The following DIS3L2 variants were observed in gnomAD, a reference collection of about 807,000 sequenced individuals.
DIS3L2 encodes DIS3-like exonuclease 2.
In DIS3L2, 34 loss-of-function variants were observed where a neutral mutation model predicts 97.5. The ratio of observed to expected loss-of-function variants is 0.35; its 90% CI spans 0.27 to 0.46. The LOEUF is 0.46. Ranked by LOEUF, DIS3L2 falls within the 20% of genes least tolerant of loss-of-function variation. The probability of loss-of-function intolerance (pLI) is 1.00; values close to 1 mark genes in which losing one functional copy is unlikely to be tolerated. For missense variants in DIS3L2, 1,038 were observed against 1,146.0 expected, an observed-to-expected ratio of 0.91 and a Z score of 1.36; for synonymous variants, 435 against 445.2, an observed-to-expected ratio of 0.98 and a Z score of 0.29.
chr2:232,279,901 A>G (rs926194731), intron 13 of DIS3L2, among the ~76,000 whole-genome samples: 1 of 152,152 alleles, frequency 6.6e-6, no homozygotes, highest in East Asian at 1.9e-4. Flanking sequence ...ACTTTCTCCT[A>G]GTCTTTGGCT....
chr2:232,073,273 A>C (rs1338704399), intron 5 of DIS3L2, among the ~76,000 whole-genome samples: 1 of 152,192 alleles, frequency 6.6e-6, no homozygotes, highest in African/African-American at 2.4e-5. Flanking sequence ...CCAAGAAATG[A>C]AAAGCAGCTC....
intron 13 of DIS3L2, among the ~76,000 whole-genome samples, chr2:232,278,279 G>C (rs1480897750): frequency 6.6e-6 from 1 of 151,946 alleles, no homozygotes; most frequent in East Asian, 1.9e-4. Context: ...TTAAGCACTA[G>C]ACCTACCAGC....
chr2:232,250,387 G>A lies in DIS3L2; in HGVS notation c.1425+1041G>A, dbSNP rs140366761. Among the ~76,000 whole-genome samples the A allele has an allele frequency of 8.4e-3, 1,282 of 152,068 alleles. 23 individuals carry two copies. Among genetic ancestry groups the A allele is most frequent in the Admixed American group, 0.048 (738 of 15,282 alleles). On this transcript the variant is annotated intron_variant, in intron 12 of 20. Coordinates refer to ENST00000325385, the MANE Select transcript of DIS3L2 (RefSeq NM_152383.5). ...CACAAGGACAAAGAGAGTGGGAGAG[G>A]AGACAACAGCAACAAAATTTTGGAA...
rs775127621 is a variant in DIS3L2, at chr2:232,300,024, TTC to T, written c.1660-6_1660-5del. 8 of 1,611,180 alleles carry T rather than the reference TTC, an allele frequency of 5.0e-6. No individual in the cohort carries two copies. Among genetic ancestry groups the T allele is most frequent in the South Asian group, 1.1e-5 (1 of 90,990 alleles). The stretch of plus-strand genomic sequence containing the variant: ...ATGCTGCCTAAAACTTCTTTTTCTC[TTC>T]TCTCTCTCTTCAGCTAAAGCTTGCT... On this transcript the variant is annotated splice_polypyrimidine_tract_variant and intron_variant, in intron 13 of 20. Transcript: ENST00000325385.
intron 10 of DIS3L2, among the ~76,000 whole-genome samples, chr2:232,229,662 G>A (rs1004435606): frequency 1.3e-5 from 2 of 152,198 alleles, no homozygotes; most frequent in Non-Finnish European, 2.9e-5. Context: ...CATACATGCT[G>A]TTCATATAAA....
At chr2:232,261,650 A>G (rs986683032) in intron 12 of DIS3L2, among the ~76,000 whole-genome samples, 9 of 152,184 alleles carry the variant, frequency 5.9e-5, no homozygotes, top group African/African-American at 1.2e-4. Context: ...AAACCTTTGC[A>G]GTGTGACTCT....
chr2:232,157,218 A>G lies in DIS3L2; in HGVS notation c.951-6241A>G, dbSNP rs113366427. Among the ~76,000 whole-genome samples the G allele has an allele frequency of 1.7e-4, 26 of 152,276 alleles. 2 individuals are homozygous for G. Among genetic ancestry groups the G allele is most frequent in the African/African-American group, 5.8e-4 (24 of 41,548 alleles). The stretch of plus-strand genomic sequence containing the variant: ...TCCCCAGAGGTACTAAAACCTTTCA[A>G]CTGTAGAGATGAGCATTATGTAGGC... On this transcript the variant is annotated intron_variant, in intron 8 of 20. Coordinates refer to ENST00000325385, the MANE Select transcript of DIS3L2 (RefSeq NM_152383.5).
At position 232,163,455 on chromosome 2, in the gene DIS3L2, A is replaced by G. The variant is rs977493137; in HGVS notation, c.951-4A>G. 2 of 1,613,486 alleles carry G rather than the reference A, an allele frequency of 1.2e-6. No individual in the cohort carries two copies. The highest frequency in any genetic ancestry group is 1.7e-6 in the Non-Finnish European group (2 of 1,179,686). Reference sequence around the variant, plus strand: ...CAGTTATTCCGTTTCTGTTCTATCCATAGGCAGCTGGCTAAGAGTCTTGGG... The same window carrying G: ...CAGTTATTCCGTTTCTGTTCTATCCGTAGGCAGCTGGCTAAGAGTCTTGGG... On this transcript the variant is annotated splice_region_variant and splice_polypyrimidine_tract_variant and intron_variant, in intron 8 of 20. Coordinates refer to ENST00000325385, the MANE Select transcript of DIS3L2 (RefSeq NM_152383.5).
intron 13 of DIS3L2, chr2:232,343,285 C>A: frequency 7.0e-7 from 1 of 1,429,008 alleles, no homozygotes; most frequent in Non-Finnish European, 9.5e-7. Flanking sequence ...ACTGGAATTG[C>A]AAAGGCCTAG....
chr2:232,053,331 AAGG>A (rs557822724), intron 5 of DIS3L2, among the ~76,000 whole-genome samples: 124 of 152,364 alleles, frequency 8.1e-4, no homozygotes, highest in African/African-American at 3.0e-3. Context: ...AAATAAAAGC[AAGG>A]AGAATACTTA....
rs115802654 is a variant in DIS3L2 at position 232,024,523 on chromosome 2, G to A, written c.264+193G>A. Among the ~76,000 whole-genome samples, 47 of 152,138 alleles carry A rather than the reference G, an allele frequency of 3.1e-4. 1 individual carries two copies. In the South Asian group the frequency reaches 7.5e-3, roughly 24 times the overall value. On this transcript the variant is annotated intron_variant, in intron 4 of 20. Transcript: ENST00000325385. ...AACCCCTTCTGTCAGTCTTAAAATC[G>A]CATGCCAAATGAAAGGGATGGCATT...
chr2:231,996,856 A>C (rs1030596116), intron 1 of DIS3L2, among the ~76,000 whole-genome samples: 2 of 152,188 alleles, frequency 1.3e-5, no homozygotes, highest in African/African-American at 4.8e-5. Flanking sequence ...TATACTTGTC[A>C]TACTGTCTGT....
At chr2:231,962,793 T>C (rs940414798) in intron 1 of DIS3L2, among the ~76,000 whole-genome samples, 1 of 152,182 alleles carries the variant, frequency 6.6e-6, no homozygotes, top group Non-Finnish European at 1.5e-5. Context: ...CTTGTAAGTG[T>C]GCTCAATGTT....
chr2:232,008,470 T>G (rs11689129), intron 1 of DIS3L2, among the ~76,000 whole-genome samples: 2,845 of 152,290 alleles, frequency 0.019, 32 homozygotes, highest in Non-Finnish European at 0.021. Context: ...TTTCTATTCT[T>G]TGGACACCCT....
chr2:232,167,447 A>T (rs1439176014), intron 9 of DIS3L2, among the ~76,000 whole-genome samples: 2 of 152,182 alleles, frequency 1.3e-5, no homozygotes, highest in African/African-American at 4.8e-5. Context: ...TTTTACTTTA[A>T]CAACTAATAA....
chr2:232,257,213 C>T (rs1693589573), intron 12 of DIS3L2, among the ~76,000 whole-genome samples: 1 of 152,136 alleles, frequency 6.6e-6, no homozygotes, highest in African/African-American at 2.4e-5. Context: ...GTGATGATGG[C>T]CCTAGTGTGA....
chr2:232,203,030 A>G (rs868706242), intron 9 of DIS3L2, among the ~76,000 whole-genome samples: 6 of 152,328 alleles, frequency 3.9e-5, no homozygotes, highest in South Asian at 4.1e-4. Context: ...GCTCTCTGCA[A>G]TGGTACAATT....
chr2:232,086,351 A>G (rs1000088505), intron 5 of DIS3L2, among the ~76,000 whole-genome samples: 1 of 114,408 alleles, frequency 8.7e-6, no homozygotes, highest in Non-Finnish European at 1.7e-5. Context: ...ACATATATGT[A>G]TATATATGTG....
chr2:232,318,803 C>T (rs553727782), intron 14 of DIS3L2, among the ~76,000 whole-genome samples: 15 of 152,242 alleles, frequency 9.9e-5, no homozygotes, highest in African/African-American at 3.6e-4. Flanking sequence ...AGCAGAGAGC[C>T]GCCTCACCAA....
Sources: allele counts gnomAD v4.1 joint callset (sites outside exome capture counted in the v4.1 genomes callset), GRCh38; gene constraint gnomAD v4.1.1; transcripts MANE v1.5; gene names NCBI Gene and HGNC (gene_info 2026-07-23, HGNC 2026-07-21).